The following FSTL5 variants were observed in gnomAD, a reference collection of about 807,000 sequenced individuals.
The protein encoded by FSTL5 is follistatin-related protein 5.
FSTL5 carries 62 observed loss-of-function variants against 89.1 expected under a neutral mutation model. The observed-to-expected ratio is 0.70, with a 90% confidence interval of 0.57 to 0.86. FSTL5 has a LOEUF of 0.86. Among genes scored for constraint, FSTL5 ranks in the 40% least tolerant of loss-of-function variants. The pLI is 0.00. For synonymous variants in FSTL5, 383 were observed against 346.2 expected (o/e 1.11, Z -1.18); for missense variants, 1,057 against 1,001.6 (o/e 1.06, Z -0.75).
At chr4:161,490,999 A>G (rs7658440) in intron 12 of FSTL5, among the ~76,000 whole-genome samples, 42,468 of 151,926 alleles carry the variant, frequency 0.28, 7,367 homozygotes, top group Non-Finnish European at 0.4. Flanking sequence ...ACCTACCTTC[A>G]TTTTACATGA....
chr4:161,714,757 T>G (rs74845159), intron 6 of FSTL5, among the ~76,000 whole-genome samples: 3,050 of 152,272 alleles, frequency 0.02, 104 homozygotes, highest in African/African-American at 0.068. Context: ...CAGAAAGAAA[T>G]AAACTTTACT....
chr4:161,999,318 T>C (rs1052193708), intron 3 of FSTL5, among the ~76,000 whole-genome samples: 3 of 152,198 alleles, frequency 2.0e-5, no homozygotes, highest in Non-Finnish European at 4.4e-5. Context: ...CTTAAAATAC[T>C]GATAGAAAAT....
intron 13 of FSTL5, among the ~76,000 whole-genome samples, chr4:161,464,112 T>C (rs1257074407): frequency 6.6e-6 from 1 of 152,198 alleles, no homozygotes; most frequent in Non-Finnish European, 1.5e-5. Context: ...AGGATACTCT[T>C]GAAATTTACA....
chr4:161,683,878 T>C (rs1012270924), intron 6 of FSTL5, among the ~76,000 whole-genome samples: 1 of 152,172 alleles, frequency 6.6e-6, no homozygotes, highest in African/African-American at 2.4e-5. Flanking sequence ...CAATTTGTGG[T>C]CTTTTATCCC....
chr4:161,991,137 TCAAAATAC>T (rs1450097456), intron 3 of FSTL5, among the ~76,000 whole-genome samples: 1 of 152,212 alleles, frequency 6.6e-6, no homozygotes, highest in African/African-American at 2.4e-5. Context: ...ATAGTCAAAC[TCAAAATAC>T]CATGTTTTAA....
At chr4:161,427,840 C>T (rs1163331906) in intron 15 of FSTL5, among the ~76,000 whole-genome samples, 1 of 152,062 alleles carries the variant, frequency 6.6e-6, no homozygotes, top group Non-Finnish European at 1.5e-5. Flanking sequence ...TGAATAGAAG[C>T]CTTCACCAGT....
At chr4:161,474,280 G>A (rs1042070517) in intron 13 of FSTL5, among the ~76,000 whole-genome samples, 6 of 151,784 alleles carry the variant, frequency 4.0e-5, no homozygotes, top group Non-Finnish European at 8.8e-5. Context: ...TGTACACCAC[G>A]TGCCAAAAAA....
At chr4:161,850,766 C>A (rs1731523975) in intron 4 of FSTL5, among the ~76,000 whole-genome samples, 1 of 152,098 alleles carries the variant, frequency 6.6e-6, no homozygotes, top group Non-Finnish European at 1.5e-5. Context: ...ATGGAATCAA[C>A]CCAAATGCCC....
At chr4:161,921,788 C>T (rs1351961250) in intron 3 of FSTL5, among the ~76,000 whole-genome samples, 3 of 151,998 alleles carry the variant, frequency 2.0e-5, no homozygotes, top group Non-Finnish European at 4.4e-5. Context: ...ACATCTGTAA[C>T]TCACGTGTAA....
At chr4:161,585,538 A>G (rs1432482726) in intron 8 of FSTL5, among the ~76,000 whole-genome samples, 2 of 151,430 alleles carry the variant, frequency 1.3e-5, no homozygotes, top group African/African-American at 2.4e-5. Flanking sequence ...TAAAAGACAG[A>G]ATTAATTGCT....
At chr4:161,849,666 T>C (rs1275434556) in intron 4 of FSTL5, among the ~76,000 whole-genome samples, 1 of 152,102 alleles carries the variant, frequency 6.6e-6, no homozygotes, top group Non-Finnish European at 1.5e-5. Context: ...GAAGATTAGA[T>C]AACCTCTTTA....
At chr4:161,628,838 C>T (rs1192874625) in intron 7 of FSTL5, among the ~76,000 whole-genome samples, 1 of 152,138 alleles carries the variant, frequency 6.6e-6, no homozygotes, top group East Asian at 1.9e-4. Flanking sequence ...ATTCTGCTGC[C>T]TGGCTGTACT....
chr4:161,724,849 C>T (rs1400876512), intron 6 of FSTL5, among the ~76,000 whole-genome samples: 1 of 152,070 alleles, frequency 6.6e-6, no homozygotes, highest in Non-Finnish European at 1.5e-5. Flanking sequence ...GATATAAACC[C>T]ATATACTTCA....
chr4:162,156,416 C>A (rs1272927554), intron 1 of FSTL5, among the ~76,000 whole-genome samples: 5 of 152,132 alleles, frequency 3.3e-5, no homozygotes, highest in African/African-American at 9.7e-5. Flanking sequence ...GAAAATTAAT[C>A]ATTCTACAAA....
chr4:161,430,750 C>G (rs1417365470), intron 15 of FSTL5, among the ~76,000 whole-genome samples: 4 of 151,660 alleles, frequency 2.6e-5, no homozygotes, highest in Admixed American at 6.6e-5. Flanking sequence ...AAAACAAAAA[C>G]AAAAACAAAA....
chr4:161,597,165 T>C, intron 7 of FSTL5, among the ~76,000 whole-genome samples: 1 of 152,070 alleles, frequency 6.6e-6, no homozygotes, highest in East Asian at 1.9e-4. Context: ...TGGTTTTAGG[T>C]CTAACATTTA....
At chr4:161,983,705 A>G (rs774008920) in intron 3 of FSTL5, among the ~76,000 whole-genome samples, 5 of 152,194 alleles carry the variant, frequency 3.3e-5, no homozygotes, top group Non-Finnish European at 7.4e-5. Context: ...AATTAGAGAC[A>G]TATCTTATGA....
intron 3 of FSTL5, among the ~76,000 whole-genome samples, chr4:161,994,480 T>C (rs1413132839): frequency 1.3e-5 from 2 of 152,220 alleles, no homozygotes; most frequent in African/African-American, 2.4e-5. Context: ...ATGGTTGAAC[T>C]AATTTACACT....
intron 3 of FSTL5, among the ~76,000 whole-genome samples, chr4:161,980,521 C>T (rs1015103991): frequency 1.3e-5 from 2 of 151,388 alleles, no homozygotes; most frequent in South Asian, 2.1e-4. Flanking sequence ...TATTGTAATT[C>T]TCTCTCTACA....
Sources: allele counts gnomAD v4.1 joint callset (sites outside exome capture counted in the v4.1 genomes callset), GRCh38; gene constraint gnomAD v4.1.1; transcripts MANE v1.5; gene names NCBI Gene and HGNC (gene_info 2026-07-23, HGNC 2026-07-21).